Variants in PTPRK observed in about 807,000 individuals in gnomAD.
The protein encoded by PTPRK is receptor-type tyrosine-protein phosphatase kappa.
Under a neutral mutation model 178.0 loss-of-function variants are expected in PTPRK, and 75 were observed. That is an observed-to-expected ratio of 0.42 (90% CI 0.35 to 0.51). The LOEUF (loss-of-function observed/expected upper bound fraction) is 0.51, where lower values mean the gene tolerates loss of function less well. Ranked by LOEUF, PTPRK falls within the 20% of genes least tolerant of loss-of-function variation. The pLI is 0.02. For missense variants in PTPRK, 1,441 were observed against 1,797.8 expected (o/e 0.80, Z 3.59); for synonymous variants, 637 against 620.6 (o/e 1.03, Z -0.39).
intron 2 of PTPRK, among the ~76,000 whole-genome samples, chr6:128,368,396 A>G (rs1045278034): frequency 1.3e-5 from 2 of 152,042 alleles, no homozygotes; most frequent in African/African-American, 2.4e-5. Flanking sequence ...AAAGAAAAAA[A>G]AAAAACGTCA....
chr6:128,321,872 T>C (rs1828840536), intron 3 of PTPRK, 167 bp downstream of exon 3: 5 of 857,882 alleles, frequency 5.8e-6, no homozygotes, highest in Non-Finnish European at 9.5e-6. Flanking sequence ...CTCATTACCA[T>C]GGGATGCATA....
chr6:128,190,473 A>T (rs1210316830), intron 6 of PTPRK, among the ~76,000 whole-genome samples: 1 of 143,678 alleles, frequency 7.0e-6, no homozygotes, highest in Non-Finnish European at 1.5e-5. Flanking sequence ...AAACCCATCA[A>T]TTCAAGTGAT....
At chr6:128,289,575 T>A (rs1823043151) in intron 3 of PTPRK, among the ~76,000 whole-genome samples, 1 of 152,152 alleles carries the variant, frequency 6.6e-6, no homozygotes, top group Admixed American at 6.6e-5. Flanking sequence ...TAAAGAGCAA[T>A]TGATCCTGTG....
intron 2 of PTPRK, among the ~76,000 whole-genome samples, chr6:128,370,266 C>G (rs1182621531): frequency 6.6e-6 from 1 of 152,114 alleles, no homozygotes; most frequent in African/African-American, 2.4e-5. Flanking sequence ...ACCAGGGCAT[C>G]CCTGTTATTG....
chr6:128,267,393 G>A (rs942174853), intron 3 of PTPRK, among the ~76,000 whole-genome samples: 38 of 152,000 alleles, frequency 2.5e-4, no homozygotes, highest in Non-Finnish European at 7.4e-5. Flanking sequence ...TCCATGGGGG[G>A]AAATATCTCT....
At chr6:128,430,072 A>G (rs1584679980) in intron 1 of PTPRK, among the ~76,000 whole-genome samples, 1 of 151,914 alleles carries the variant, frequency 6.6e-6, no homozygotes, top group South Asian at 2.1e-4. Context: ...ATGGATGAGT[A>G]TTGAATGAGT....
intron 21 of PTPRK, among the ~76,000 whole-genome samples, chr6:127,988,000 A>G (rs1324037078): frequency 6.6e-6 from 1 of 152,164 alleles, no homozygotes; most frequent in Non-Finnish European, 1.5e-5. Context: ...ATGTACTGAC[A>G]TAATGAAATA....
intron 7 of PTPRK, among the ~76,000 whole-genome samples, chr6:128,120,254 TA>T (rs1317784621): frequency 6.6e-6 from 1 of 151,976 alleles, no homozygotes; most frequent in Non-Finnish European, 1.5e-5. Flanking sequence ...TTACTACTAA[TA>T]ATTTTGGTGT....
At chr6:128,336,541 C>T (rs3927673) in intron 2 of PTPRK, among the ~76,000 whole-genome samples, 145,694 of 152,244 alleles carry the variant, frequency 0.96, 70,027 homozygotes, top group East Asian at 1. Flanking sequence ...ACTGTCACAT[C>T]GTTCAATCTA....
intron 3 of PTPRK, among the ~76,000 whole-genome samples, chr6:128,319,454 G>A (rs897267014): frequency 6.6e-6 from 1 of 152,144 alleles, no homozygotes; most frequent in African/African-American, 2.4e-5. Context: ...TTAGCATGAT[G>A]TGACCTCACA....
intron 3 of PTPRK, among the ~76,000 whole-genome samples, chr6:128,300,439 A>C (rs1825384412): frequency 6.6e-6 from 1 of 152,078 alleles, no homozygotes; most frequent in South Asian, 2.1e-4. Flanking sequence ...TTATTGCGGC[A>C]TTATTCACAA....
intron 3 of PTPRK, among the ~76,000 whole-genome samples, chr6:128,309,370 A>G (rs1826905470): frequency 6.6e-6 from 1 of 152,080 alleles, no homozygotes. Context: ...AACAAAGCTG[A>G]TGGCAGAGAG....
chr6:128,215,523 T>A (rs550349223), intron 6 of PTPRK, among the ~76,000 whole-genome samples: 2 of 152,312 alleles, frequency 1.3e-5, no homozygotes, highest in Admixed American at 1.3e-4. Context: ...GAATACATTA[T>A]CGTTATTCAA....
At chr6:128,067,066 T>C (rs1376465187) in intron 12 of PTPRK, among the ~76,000 whole-genome samples, 1 of 152,210 alleles carries the variant, frequency 6.6e-6, no homozygotes. Context: ...ATTTACTATT[T>C]GGCTTGAAAA....
chr6:128,002,278 G>GT (rs1279096218), intron 15 of PTPRK, among the ~76,000 whole-genome samples: 3 of 151,702 alleles, frequency 2.0e-5, no homozygotes, highest in Non-Finnish European at 4.4e-5. Context: ...ATAAGTTAAA[G>GT]TTTTTTGTTC....
intron 2 of PTPRK, among the ~76,000 whole-genome samples, chr6:128,342,811 G>A (rs1180236312): frequency 6.6e-6 from 1 of 152,040 alleles, no homozygotes; most frequent in African/African-American, 2.4e-5. Context: ...TTTAAGCCAT[G>A]CATAGTAGCA....
At chr6:128,143,243 C>T (rs1300948676) in intron 7 of PTPRK, among the ~76,000 whole-genome samples, 1 of 152,056 alleles carries the variant, frequency 6.6e-6, no homozygotes, top group Non-Finnish European at 1.5e-5. Context: ...TTCCATTCTC[C>T]CAGTACTTTG....
rs117560292 is a variant in PTPRK, at chr6:128,350,273, G to A, written c.224-27963C>T. Among the ~76,000 whole-genome samples, 583 of 152,260 alleles carry A rather than the reference G, an allele frequency of 3.8e-3. 4 individuals carry two copies. Among genetic ancestry groups the A allele is most frequent in the Non-Finnish European group, 6.2e-3 (421 of 68,020 alleles). On this transcript the variant is annotated intron_variant, in intron 2 of 29. Transcript: ENST00000368226. ...GAAAGTATTAAAGGTAGCAATCAGG[G>A]TCAGATATAAAAGTGTTCTTAATTT...
At chr6:128,457,504 T>C (rs781132622) in intron 1 of PTPRK, among the ~76,000 whole-genome samples, 1 of 152,140 alleles carries the variant, frequency 6.6e-6, no homozygotes, top group Non-Finnish European at 1.5e-5. Context: ...TTGTGAAGAA[T>C]ACTGGACTTG....
Sources: allele counts gnomAD v4.1 joint callset (sites outside exome capture counted in the v4.1 genomes callset), GRCh38; gene constraint gnomAD v4.1.1; transcripts MANE v1.5; gene names NCBI Gene and HGNC (gene_info 2026-07-23, HGNC 2026-07-21).